Variants in KALRN observed in about 807,000 individuals in gnomAD.
KALRN encodes the protein kalirin RhoGEF kinase, also known as kalirin.
KALRN carries 70 observed loss-of-function variants against 353.7 expected under a neutral mutation model. That is an observed-to-expected ratio of 0.20 (90% confidence interval 0.16 to 0.24). The LOEUF (loss-of-function observed/expected upper bound fraction) is 0.24, where lower values mean the gene tolerates loss of function less well. Among genes scored for constraint, KALRN ranks in the 10% least tolerant of loss-of-function variants. The pLI is 1.00. For synonymous variants in KALRN, 1,391 were observed against 1,434.8 expected (o/e 0.97, Z 0.69); for missense variants, 2,791 against 3,756.7 (o/e 0.74, Z 6.72).
chr3:124,220,386 G>C lies in KALRN; in HGVS notation c.74-7604G>C, dbSNP rs1385637093. ...TCTATTTCTTTCTCTCTCTCTTTCT[G>C]TGTGTGTGTGTGTGTATGTGTGTGT... On this transcript the variant is annotated intron_variant, in intron 1 of 59. Transcript: ENST00000682506. Among the ~76,000 whole-genome samples the C allele has an allele frequency of 4.9e-5, 7 of 143,694 alleles. No homozygotes were observed. In the East Asian group the frequency reaches 1.4e-3, roughly 29 times the overall value. The allele number at this position is 143,694 out of a possible 152,430, so 94.3% of individuals were successfully genotyped here.
intron 34 of KALRN, among the ~76,000 whole-genome samples, 162 bp from the exon 35 acceptor site, chr3:124,632,258 C>T (rs7619841): frequency 0.012 from 1,890 of 152,256 alleles, 38 homozygotes; most frequent in African/African-American, 0.043. Context: ...GAGCGTTTGC[C>T]TTTCTTACTG....
intron 1 of KALRN, among the ~76,000 whole-genome samples, chr3:124,196,837 T>C (rs1009441736): frequency 3.9e-5 from 6 of 152,242 alleles, no homozygotes; most frequent in African/African-American, 1.4e-4. Context: ...AGTGATTTCT[T>C]GTTCTACAGT....
intron 10 of KALRN, among the ~76,000 whole-genome samples, chr3:124,369,069 G>T (rs1434358282): frequency 6.6e-6 from 1 of 152,194 alleles, no homozygotes; most frequent in East Asian, 1.9e-4. Flanking sequence ...GGGAGAGGGA[G>T]AGGGAGAGGG....
intron 28 of KALRN, among the ~76,000 whole-genome samples, chr3:124,484,327 C>G (rs959295532): frequency 6.6e-6 from 1 of 152,132 alleles, no homozygotes; most frequent in Admixed American, 6.6e-5. Flanking sequence ...AGAGTGGGGC[C>G]GTGCCACATC....
At chr3:124,212,082 A>C (rs2076949897) in intron 1 of KALRN, among the ~76,000 whole-genome samples, 1 of 152,200 alleles carries the variant, frequency 6.6e-6, no homozygotes, top group Non-Finnish European at 1.5e-5. Context: ...AGGATTATAA[A>C]AATCTAGAAA....
chr3:124,303,588 C>T (rs1041627997), intron 6 of KALRN, among the ~76,000 whole-genome samples: 36 of 152,244 alleles, frequency 2.4e-4, no homozygotes, highest in East Asian at 1.9e-4. Context: ...TACATGCAAA[C>T]GTAACACAAT....
chr3:124,231,552 A>G (rs2079151554), intron 2 of KALRN, among the ~76,000 whole-genome samples: 1 of 152,310 alleles, frequency 6.6e-6, no homozygotes, highest in South Asian at 2.1e-4. Context: ...TTCCAAGATC[A>G]GTTCCACAGG....
chr3:124,251,154 T>C (rs1272792570), intron 3 of KALRN, among the ~76,000 whole-genome samples: 2 of 152,160 alleles, frequency 1.3e-5, no homozygotes, highest in African/African-American at 2.4e-5. Flanking sequence ...GGCTGTAAAA[T>C]GACCTTACTG....
intron 13 of KALRN, among the ~76,000 whole-genome samples, chr3:124,411,166 A>T (rs1386548394): frequency 6.6e-6 from 1 of 151,770 alleles, no homozygotes; most frequent in Admixed American, 6.6e-5. Context: ...TGATGATAGA[A>T]ATCAGAAATT....
In KALRN at chr3:124,720,838, ATT is replaced by A. The variant is rs1347755475; in HGVS notation, c.*1370_*1371del. ...GGGTTTTCTTTCTTTATTTTTGTTC[ATT>A]TGTTTTGGAGGGAGGGAGCTTGTTT... On this transcript the variant is annotated 3_prime_UTR_variant, in exon 60 of 60. Coordinates refer to ENST00000682506, the MANE Select transcript of KALRN (RefSeq NM_001388419.1). 1 of 151,856 alleles carries A rather than the reference ATT, an allele frequency of 6.6e-6. No individual in the cohort carries two copies. Among genetic ancestry groups the A allele is most frequent in the East Asian group, 1.9e-4 (1 of 5,196 alleles). 9.4% of individuals were successfully genotyped at this position (151,856 alleles called of 1,614,324 possible). A position where few individuals can be genotyped will look rare whatever the true frequency, so the allele number is the denominator to read the frequency against.
chr3:124,602,275 C>A (rs1295872637), intron 34 of KALRN, among the ~76,000 whole-genome samples: 3 of 152,136 alleles, frequency 2.0e-5, no homozygotes, highest in Admixed American at 2.0e-4. Context: ...TTGGTGCTGT[C>A]TACCCTGAGT....
Position 124,562,974 on chromosome 3 carries a change from G to T in KALRN, c.5067G>T (p.Leu1689=). The part of the protein sequence containing the change: ...ERPSERPGWC[L]VRTTERSPPL... ...CCAGCGAGCGGCCTGGTTGGTGTCT[G>T]GTCCGTACCACCGAACGGAGCCCGC... Residue 1689 remains leucine, a synonymous_variant, in exon 34 of 60, where the codon CTG becomes CTT. Coordinates refer to ENST00000682506, the MANE Select transcript of KALRN (RefSeq NM_001388419.1). 1 of 1,367,870 alleles carries T rather than the reference G, an allele frequency of 7.3e-7. No individual in the cohort carries two copies. The highest frequency in any genetic ancestry group is 1.9e-5 in the Admixed American group (1 of 52,594). 84.7% of individuals were successfully genotyped at this position (1,367,870 alleles called of 1,614,324 possible). A position where few individuals can be genotyped will look rare whatever the true frequency, so the allele number is the denominator to read the frequency against.
intron 36 of KALRN, 73 bp downstream of exon 36, chr3:124,634,026 G>A: frequency 1.8e-6 from 2 of 1,082,706 alleles, no homozygotes; most frequent in Non-Finnish European, 2.8e-6. Flanking sequence ...GTGTGATGGG[G>A]GTAGTCATAC....
Position 124,594,806 on chromosome 3 carries a change from G to A in KALRN, c.5182+31717G>A, listed in dbSNP as rs375127787. Reference sequence around the variant, plus strand: ...CCTCCCCAGGAGATCAGCAAGCACTGTGGCTGGAGCCTCAGGATTTACCCC... The same window carrying A: ...CCTCCCCAGGAGATCAGCAAGCACTATGGCTGGAGCCTCAGGATTTACCCC... On this transcript the variant is annotated intron_variant, in intron 34 of 59. Transcript: ENST00000682506. 2.6e-4 allele frequency among the ~76,000 whole-genome samples: 39 copies of A among 152,224 alleles called. 3 individuals carry two copies. The highest frequency in any genetic ancestry group is 1.8e-3 in the Admixed American group (27 of 15,294).
intron 9 of KALRN, among the ~76,000 whole-genome samples, chr3:124,344,969 C>G (rs2082126640): frequency 6.6e-6 from 1 of 152,140 alleles, no homozygotes; most frequent in African/African-American, 2.4e-5. Context: ...TGTGGGTGAA[C>G]TAGTAGATGA....
At chr3:124,325,062 T>G (rs997732075) in intron 6 of KALRN, among the ~76,000 whole-genome samples, 1 of 152,228 alleles carries the variant, frequency 6.6e-6, no homozygotes, top group Non-Finnish European at 1.5e-5. Context: ...ACTACTGTCT[T>G]ATGTTTGTGG....
chr3:124,180,354 T>C (rs2073402052), intron 1 of KALRN, among the ~76,000 whole-genome samples: 1 of 151,568 alleles, frequency 6.6e-6, no homozygotes. Flanking sequence ...ACTTTCTGGT[T>C]CCCCAGAGTT....
In KALRN at chr3:124,698,130, G is replaced by A. The variant is rs774060408; in HGVS notation, c.7831+406G>A. On this transcript the variant is annotated intron_variant, in intron 55 of 59. Transcript: ENST00000682506. ...GACTAAAGCGCACACCACCACACCCGGCTAATTTTTGTATTTTTAGTAGAG... is the reference window on the plus strand; with the variant it reads ...GACTAAAGCGCACACCACCACACCCAGCTAATTTTTGTATTTTTAGTAGAG... Among the ~76,000 whole-genome samples, 5 of 151,922 alleles carry A rather than the reference G, an allele frequency of 3.3e-5. No homozygotes were observed. The East Asian group carries it at 5.8e-4, about 18-fold the overall frequency.
chr3:124,298,973 G>C (rs977155229), intron 6 of KALRN, 60 bp downstream of exon 6: 3 of 1,605,604 alleles, frequency 1.9e-6, no homozygotes. Flanking sequence ...GGAGAAGTGG[G>C]AGGAGGGACA....
Sources: allele counts gnomAD v4.1 joint callset (sites outside exome capture counted in the v4.1 genomes callset), GRCh38; gene constraint gnomAD v4.1.1; transcripts MANE v1.5; gene names NCBI Gene and HGNC (gene_info 2026-07-23, HGNC 2026-07-21).